The following DOCK9 variants were observed in gnomAD, a reference collection of about 807,000 sequenced individuals.
DOCK9 encodes dedicator of cytokinesis protein 9.
DOCK9 carries 89 observed loss-of-function variants against 263.3 expected under a neutral mutation model. That is an observed-to-expected ratio of 0.34 (90% CI 0.28 to 0.40). The LOEUF (loss-of-function observed/expected upper bound fraction) is 0.40. Ranked by LOEUF, DOCK9 falls within the 10% of genes least tolerant of loss-of-function variation. The probability of loss-of-function intolerance (pLI) is 1.00; values close to 1 mark genes in which losing one functional copy is unlikely to be tolerated. For synonymous variants in DOCK9, 976 were observed against 973.1 expected, an observed-to-expected ratio of 1.00 and a Z score of -0.06; for missense variants, 2,140 against 2,603.4, an observed-to-expected ratio of 0.82 and a Z score of 3.87.
At chr13:98,964,095 A>C (rs930744940) in intron 1 of DOCK9, among the ~76,000 whole-genome samples, 3 of 152,220 alleles carry the variant, frequency 2.0e-5, no homozygotes, top group African/African-American at 7.2e-5. Flanking sequence ...TGTGCCAGAG[A>C]CATCAAGATA....
At chr13:98,819,486 G>A (rs758307276) in intron 45 of DOCK9, among the ~76,000 whole-genome samples, 18 of 152,330 alleles carry the variant, frequency 1.2e-4, no homozygotes, top group Non-Finnish European at 1.6e-4. Context: ...TGCTATGGCA[G>A]GGATCACAGC....
intron 27 of DOCK9, among the ~76,000 whole-genome samples, chr13:98,870,467 C>T (rs2142173137): frequency 1.3e-5 from 2 of 152,262 alleles, no homozygotes; most frequent in African/African-American, 4.8e-5. Flanking sequence ...CCAACTCTAA[C>T]CCCCGGCATG....
intron 1 of DOCK9, among the ~76,000 whole-genome samples, chr13:98,999,316 A>ACACACACACTCTCTCTCTCTCT: frequency 2.2e-5 from 3 of 138,286 alleles, no homozygotes; most frequent in South Asian, 2.7e-4. Context: ...ACACACACAC[A>ACACACACACTCTCTCTCTCTCT]CTCTCTCTCT....
chr13:98,861,814 C>T (rs548345467), intron 32 of DOCK9, among the ~76,000 whole-genome samples: 99 of 152,284 alleles, frequency 6.5e-4, no homozygotes, highest in African/African-American at 2.2e-3. Context: ...GTTTAAAAAA[C>T]AGCACAAAGA....
In DOCK9 at chr13:98,899,118, G is replaced by T. The variant is rs143601475; in HGVS notation, c.1504-857C>A. Among the ~76,000 whole-genome samples, 305 of 150,690 alleles carry T rather than the reference G, an allele frequency of 2.0e-3. 3 individuals carry two copies. Among genetic ancestry groups the T allele is most frequent in the African/African-American group, 7.1e-3 (290 of 41,004 alleles). ...GTATATCAAAGTCAAACCAATTTTG[G>T]GAAATGTACTCCAAAACCAAAGTGT... On this transcript the variant is annotated intron_variant, in intron 13 of 52. Coordinates refer to ENST00000682017, the MANE Select transcript of DOCK9 (RefSeq NM_001366683.2).
At chr13:98,942,570 C>T (rs2056121720) in intron 2 of DOCK9, among the ~76,000 whole-genome samples, 1 of 152,142 alleles carries the variant, frequency 6.6e-6, no homozygotes, top group Non-Finnish European at 1.5e-5. Context: ...ATTTTAGTTG[C>T]TAAAAGGACC....
intron 1 of DOCK9, among the ~76,000 whole-genome samples, chr13:99,070,137 C>A (rs1596032842): frequency 6.7e-6 from 1 of 148,294 alleles, no homozygotes; most frequent in Non-Finnish European, 1.5e-5. Flanking sequence ...ATTTTTGCTT[C>A]CAACATGCAT....
At chr13:98,922,265 T>C (rs1566972315) in intron 5 of DOCK9, 119 bp from the exon 6 acceptor site, 2 of 669,844 alleles carry the variant, frequency 3.0e-6, no homozygotes, top group East Asian at 5.6e-5. Context: ...GCCCCTTTAC[T>C]GAAGCACCCA....
upstream of DOCK9, among the ~76,000 whole-genome samples, chr13:98,980,080 A>T (rs1485039876): frequency 2.0e-5 from 3 of 152,222 alleles, no homozygotes; most frequent in East Asian, 5.8e-4. Flanking sequence ...GGCTGAGTGC[A>T]GGGGCTCGAT....
chr13:98,994,977 T>C (rs1880665587), intron 1 of DOCK9, among the ~76,000 whole-genome samples: 1 of 152,242 alleles, frequency 6.6e-6, no homozygotes, highest in Admixed American at 6.5e-5. Flanking sequence ...TCGTGAGGTA[T>C]GGTTATTACC....
Position 98,831,789 on chromosome 13 carries a change from T to C in DOCK9, c.4315-3A>G, listed in dbSNP as rs1478534438. ...CCATGGTCGGCCAGGAGCTGGTTCT[T>C]AAAACACACATTGACGGCTTTGTTA... On this transcript the variant is annotated splice_region_variant and splice_polypyrimidine_tract_variant and intron_variant, in intron 39 of 52. Coordinates refer to ENST00000682017, the MANE Select transcript of DOCK9 (RefSeq NM_001366683.2). 6.2e-7 allele frequency: 1 copy of C among 1,613,444 alleles called. No individual in the cohort carries two copies. Among genetic ancestry groups the C allele is most frequent in the Non-Finnish European group, 8.5e-7 (1 of 1,179,694 alleles).
intron 1 of DOCK9, among the ~76,000 whole-genome samples, chr13:99,004,067 T>C (rs1882865329): frequency 6.6e-6 from 1 of 152,142 alleles, no homozygotes; most frequent in South Asian, 2.1e-4. Flanking sequence ...TCTCCCTCCT[T>C]GGGACTTTGC....
rs1168499987 is a variant in DOCK9, at chr13:98,925,829, T to C, written c.416+8A>G. The C allele has an allele frequency of 1.9e-6, 3 of 1,548,690 alleles. No individual in the cohort carries two copies. The highest frequency in any genetic ancestry group is 2.6e-6 in the Non-Finnish European group (3 of 1,143,372). On this transcript the variant is annotated splice_region_variant and intron_variant, in intron 4 of 52. Transcript: ENST00000682017. ...CTTTTCCCTATGTGTATAATATAGC[T>C]TACTCACTTCGGAAGCTGTCGAAAC...
intron 1 of DOCK9, among the ~76,000 whole-genome samples, chr13:98,956,244 A>G (rs553726649): frequency 6.6e-6 from 1 of 152,334 alleles, no homozygotes; most frequent in East Asian, 1.9e-4. Context: ...GTAGGGAAGA[A>G]GAGAATATGG....
chr13:98,993,472 T>C (rs1880288426), intron 1 of DOCK9, among the ~76,000 whole-genome samples: 1 of 152,242 alleles, frequency 6.6e-6, no homozygotes, highest in Non-Finnish European at 1.5e-5. Context: ...TCTATTATTT[T>C]AGGTGGCTGT....
At chr13:98,946,011 G>A (rs2056650337) in intron 2 of DOCK9, among the ~76,000 whole-genome samples, 1 of 152,194 alleles carries the variant, frequency 6.6e-6, no homozygotes, top group African/African-American at 2.4e-5. Flanking sequence ...AGAATTTCCA[G>A]GGACAGGATA....
chr13:98,977,367 A>C (rs896275201), intron 1 of DOCK9, among the ~76,000 whole-genome samples: 1 of 152,062 alleles, frequency 6.6e-6, no homozygotes, highest in Non-Finnish European at 1.5e-5. Context: ...GTTCCTTAAA[A>C]CCCCCAATGG....
At chr13:99,087,276 A>G (rs1212093993), upstream of DOCK9, among the ~76,000 whole-genome samples, 1 of 152,184 alleles carries the variant, frequency 6.6e-6, no homozygotes, top group Non-Finnish European at 1.5e-5. Context: ...GGGCCGGGCC[A>G]GGCGTGGGAG....
At chr13:98,982,968 G>T (rs1877557609), upstream of DOCK9, among the ~76,000 whole-genome samples, 1 of 152,124 alleles carries the variant, frequency 6.6e-6, no homozygotes, top group African/African-American at 2.4e-5. Flanking sequence ...TATAAATTTT[G>T]AAACTGTAGA....
Sources: allele counts gnomAD v4.1 joint callset (sites outside exome capture counted in the v4.1 genomes callset), GRCh38; gene constraint gnomAD v4.1.1; transcripts MANE v1.5; gene names NCBI Gene and HGNC (gene_info 2026-07-23, HGNC 2026-07-21).